Variants in RHOA observed in about 807,000 individuals in gnomAD.
The protein encoded by RHOA is ras homolog family member A, also known as transforming protein RhoA.
Under a neutral mutation model 17.5 loss-of-function variants are expected in RHOA, and 3 were observed. That is an observed-to-expected ratio of 0.17 (90% CI 0.08 to 0.44). The LOEUF (loss-of-function observed/expected upper bound fraction) is 0.44, where lower values mean the gene tolerates loss of function less well. Ranked by LOEUF, RHOA falls within the 20% of genes least tolerant of loss-of-function variation. The pLI, the probability that RHOA is intolerant of heterozygous loss-of-function variation, is 0.99. For synonymous variants in RHOA, 98 were observed against 88.4 expected (o/e 1.11, Z -0.61); for missense variants, 56 against 242.3 (o/e 0.23, Z 5.10).
chr3:49,381,551 G>A (rs2048317384), intron 1 of RHOA, among the ~76,000 whole-genome samples: 2 of 151,542 alleles, frequency 1.3e-5, no homozygotes, highest in African/African-American at 4.8e-5. Flanking sequence ...CTCCAGCCTG[G>A]GCAACACAGT....
intron 3 of RHOA, among the ~76,000 whole-genome samples, chr3:49,365,439 G>A (rs1033346212): frequency 3.3e-5 from 5 of 151,976 alleles, no homozygotes; most frequent in African/African-American, 1.2e-4. Context: ...CACAGTGCCT[G>A]GCCTAGAATA....
chr3:49,363,342 C>A (rs543335558), intron 3 of RHOA, among the ~76,000 whole-genome samples: 1 of 151,958 alleles, frequency 6.6e-6, no homozygotes, highest in Non-Finnish European at 1.5e-5. Context: ...ATGGTGTGAA[C>A]CCGGGAGGCA....
intron 1 of RHOA, among the ~76,000 whole-genome samples, chr3:49,393,717 TGTGTGTGTGTGTGA>T: frequency 8.6e-6 from 1 of 115,648 alleles, no homozygotes; most frequent in African/African-American, 3.4e-5. Flanking sequence ...TGTGTGTGTG[TGTGTGTGTGTGTGA>T]CAGAATCTCG....
intron 1 of RHOA, among the ~76,000 whole-genome samples, chr3:49,377,755 C>T (rs2048254121): frequency 6.6e-6 from 1 of 151,926 alleles, no homozygotes; most frequent in Non-Finnish European, 1.5e-5. Flanking sequence ...GCCTGGGTGA[C>T]AGAGTGGAAC....
chr3:49,360,353 A>C lies in RHOA; in HGVS notation c.438T>G (p.Asp146Glu), dbSNP rs745317533. 6 of 1,612,444 alleles carry C rather than the reference A, an allele frequency of 3.7e-6. No homozygotes were observed. The Admixed American group carries it at 6.7e-5, about 18-fold the overall frequency. ...CAAAAGCGCCAATCCTGTTTGCCAT[A>C]TCTCTGCCTTCTTCAGGTTTCACCG... ...QEPVKPEEGR[D>E]MANRIGAFGY... The change falls in exon 5 of 5, where the codon GAT becomes GAG. Residue 146 changes from aspartate (D) to glutamate (E), a missense_variant. Around this residue, in one of 2 missense-constraint regions of RHOA, gnomAD observed 39 missense variants for 86.0 expected, o/e 0.45. Transcript: ENST00000418115.
At chr3:49,395,340 T>C (rs975754574) in intron 1 of RHOA, among the ~76,000 whole-genome samples, 1 of 152,064 alleles carries the variant, frequency 6.6e-6, no homozygotes, top group South Asian at 2.1e-4. Context: ...TGGTATGTCA[T>C]GCAGAGCAAT....
At chr3:49,397,763 G>C (rs2048642437) in intron 1 of RHOA, among the ~76,000 whole-genome samples, 1 of 152,060 alleles carries the variant, frequency 6.6e-6, no homozygotes, top group South Asian at 2.1e-4. Context: ...CAAGTGGAAG[G>C]GCTGACCTTA....
chr3:49,384,923 C>A (rs564815481), intron 1 of RHOA, among the ~76,000 whole-genome samples: 7 of 151,924 alleles, frequency 4.6e-5, no homozygotes, highest in African/African-American at 1.7e-4. Context: ...ATTAGCCTAG[C>A]GTGGTGGCAG....
chr3:49,375,509 C>T lies in RHOA; in HGVS notation c.81G>A (p.Lys27=), dbSNP rs2107849666. ...GKTCLLIVFS[K]DQFPEVYVPT... is the part of the protein sequence containing the mutation. ...GCACATACACCTCTGGGAACTGGTCCTTGCTGAAGACTATGAGCAAGCATG... is the reference window on the plus strand; with the variant it reads ...GCACATACACCTCTGGGAACTGGTCTTTGCTGAAGACTATGAGCAAGCATG... Residue 27 remains lysine (K), a synonymous_variant, in exon 2 of 5, where the codon AAG becomes AAA. Coordinates refer to ENST00000418115, the MANE Select transcript of RHOA (RefSeq NM_001664.4). The T allele has an allele frequency of 6.2e-7, 1 of 1,614,162 alleles. No individual in the cohort carries two copies. The highest frequency in any genetic ancestry group is 8.5e-7 in the Non-Finnish European group (1 of 1,180,016).
At chr3:49,361,031 G>A (rs114300800) in intron 4 of RHOA, 3,548 of 176,448 alleles carry the variant, frequency 0.02, 47 homozygotes, top group Non-Finnish European at 0.03. Context: ...CCAAGATCGT[G>A]CCACAGCACT....
At chr3:49,368,880 TG>T (rs1282741264) in intron 2 of RHOA, among the ~76,000 whole-genome samples, 1 of 146,324 alleles carries the variant, frequency 6.8e-6, no homozygotes, top group African/African-American at 2.5e-5. Flanking sequence ...GCTAATTTTT[TG>T]TATTTTTAGT....
intron 1 of RHOA, among the ~76,000 whole-genome samples, chr3:49,386,091 G>A (rs564870857): frequency 5.3e-5 from 8 of 152,104 alleles, no homozygotes; most frequent in Non-Finnish European, 1.2e-4. Flanking sequence ...TTTAGTAACA[G>A]TTTGTCAATT....
intron 1 of RHOA, among the ~76,000 whole-genome samples, chr3:49,402,489 C>A (rs2048742320): frequency 6.6e-6 from 1 of 152,090 alleles, no homozygotes; most frequent in African/African-American, 2.4e-5. Context: ...GCCTGGACAA[C>A]ATGGCAAAAC....
At chr3:49,360,859 A>C in intron 4 of RHOA, 1 of 254,708 alleles carries the variant, frequency 3.9e-6, no homozygotes, top group South Asian at 3.1e-5. Context: ...GCGGATCACG[A>C]GTTTAGGAGA....
chr3:49,401,041 CAAAAAAAA>C (rs57354041), intron 1 of RHOA, among the ~76,000 whole-genome samples: 2 of 67,582 alleles, frequency 3.0e-5, no homozygotes, highest in African/African-American at 5.4e-5. Flanking sequence ...GACTCCGTCT[CAAAAAAAA>C]AAAAAAAAAA....
chr3:49,391,560 T>A (rs1269336554), intron 1 of RHOA, among the ~76,000 whole-genome samples: 1 of 152,134 alleles, frequency 6.6e-6, no homozygotes, highest in Admixed American at 6.6e-5. Context: ...TTTCTTTTTT[T>A]AAGACAGAGT....
rs963098686 is a variant in RHOA at position 49,391,334 on chromosome 3, G to C, written c.-2-15743C>G. Among the ~76,000 whole-genome samples, 4 of 151,302 alleles carry C rather than the reference G, an allele frequency of 2.6e-5. No homozygotes were observed. In the South Asian group the frequency reaches 8.3e-4, roughly 31 times the overall value. The stretch of plus-strand genomic sequence containing the variant: ...TTGAACCCAGGAGACAGAGGCTGCA[G>C]TGAGCCAAGATCACACCACTGCACT... On this transcript the variant is annotated intron_variant, in intron 1 of 4. Coordinates refer to ENST00000418115, the MANE Select transcript of RHOA (RefSeq NM_001664.4).
At chr3:49,400,968 C>G (rs1258078363) in intron 1 of RHOA, among the ~76,000 whole-genome samples, 1 of 136,864 alleles carries the variant, frequency 7.3e-6, no homozygotes, top group Admixed American at 8.9e-5. Flanking sequence ...ATGGCGTGAA[C>G]CCGGGAGGCA....
intron 1 of RHOA, among the ~76,000 whole-genome samples, chr3:49,398,798 C>A (rs1431976876): frequency 7.6e-6 from 1 of 132,380 alleles, no homozygotes; most frequent in Non-Finnish European, 1.5e-5. Flanking sequence ...CGAGATTATG[C>A]CACTGCACTC....
Sources: allele counts gnomAD v4.1 joint callset (sites outside exome capture counted in the v4.1 genomes callset), GRCh38; gene constraint gnomAD v4.1.1; regional missense constraint gnomAD v4.1.1; transcripts MANE v1.5; gene names NCBI Gene and HGNC (gene_info 2026-07-23, HGNC 2026-07-21).